Variants in RNF217 observed in about 807,000 individuals in gnomAD.
The protein encoded by RNF217 is ring finger protein 217, also known as E3 ubiquitin-protein ligase RNF217.
In RNF217, 31 loss-of-function variants were observed where a neutral mutation model predicts 57.8. The observed-to-expected ratio is 0.54, with a 90% CI of 0.40 to 0.72. The LOEUF (loss-of-function observed/expected upper bound fraction) is 0.72, where lower values mean the gene tolerates loss of function less well. Among genes scored for constraint, RNF217 ranks in the 30% least tolerant of loss-of-function variants. The pLI is 0.00. For synonymous variants in RNF217, 313 were observed against 294.0 expected, an observed-to-expected ratio of 1.06 and a Z score of -0.66; for missense variants, 696 against 708.3, an observed-to-expected ratio of 0.98 and a Z score of 0.20.
At chr6:124,988,333 A>G (rs926526136) in intron 1 of RNF217, among the ~76,000 whole-genome samples, 2 of 152,168 alleles carry the variant, frequency 1.3e-5, no homozygotes, top group African/African-American at 2.4e-5. Flanking sequence ...AAAAGTTTCA[A>G]CCTAAGCTCA....
At chr6:125,000,225 T>G (rs559482699) in intron 1 of RNF217, among the ~76,000 whole-genome samples, 12 of 152,280 alleles carry the variant, frequency 7.9e-5, no homozygotes, top group African/African-American at 2.2e-4. Flanking sequence ...AAATTGGTGT[T>G]TTAGTTTGTT....
At chr6:124,992,556 A>G (rs1394442482) in intron 1 of RNF217, among the ~76,000 whole-genome samples, 1 of 152,120 alleles carries the variant, frequency 6.6e-6, no homozygotes, top group African/African-American at 2.4e-5. Context: ...TGTATTATAT[A>G]ATAAAAGTTT....
chr6:124,983,137 G>A (rs1784238008), intron 1 of RNF217, among the ~76,000 whole-genome samples: 1 of 152,078 alleles, frequency 6.6e-6, no homozygotes, highest in African/African-American at 2.4e-5. Flanking sequence ...TTTATTTATT[G>A]TCTTCAGAAG....
At chr6:125,027,911 G>A (rs9388401) in intron 1 of RNF217, among the ~76,000 whole-genome samples, 30,916 of 152,068 alleles carry the variant, frequency 0.2, 3,815 homozygotes, top group East Asian at 0.42. Context: ...CAGTGATGTT[G>A]AGCATCTTTT....
At chr6:125,047,286 A>AT (rs1186479610) in intron 2 of RNF217, among the ~76,000 whole-genome samples, 8 of 152,096 alleles carry the variant, frequency 5.3e-5, no homozygotes, top group Non-Finnish European at 1.0e-4. Context: ...TTTTTATGAA[A>AT]TGGGTAAAGG....
At chr6:125,059,653 C>A (rs958806923) in intron 3 of RNF217, among the ~76,000 whole-genome samples, 1 of 152,126 alleles carries the variant, frequency 6.6e-6, no homozygotes, top group Non-Finnish European at 1.5e-5. Flanking sequence ...AAAATACATA[C>A]ATTTGTTACT....
intron 1 of RNF217, among the ~76,000 whole-genome samples, chr6:125,004,786 T>C (rs190599183): frequency 3.9e-5 from 6 of 152,346 alleles, no homozygotes; most frequent in Admixed American, 3.9e-4. Flanking sequence ...CTCACTACTT[T>C]ATATTAATAA....
intron 1 of RNF217, among the ~76,000 whole-genome samples, chr6:124,997,458 A>G (rs1438510965): frequency 1.0e-5 from 1 of 98,808 alleles, no homozygotes; most frequent in Non-Finnish European, 1.9e-5. Flanking sequence ...GGTTCACACA[A>G]CTCGAGTTAA....
chr6:125,049,305 G>T (rs1442212359), intron 2 of RNF217, among the ~76,000 whole-genome samples: 1 of 152,036 alleles, frequency 6.6e-6, no homozygotes, highest in Non-Finnish European at 1.5e-5. Context: ...TATATGTGTG[G>T]TTATTTGCCT....
At position 124,963,120 on chromosome 6, in the gene RNF217, G is replaced by C. The variant is rs745816391; in HGVS notation, c.576G>C (p.Pro192=). 8 of 1,535,958 alleles carry C rather than the reference G, an allele frequency of 5.2e-6. No homozygotes were observed. The highest frequency in any genetic ancestry group is 4.8e-5 in the South Asian group (4 of 83,986). ...CGCCCGCGTCGCCACCTGGGGCTCC[G>C]CCAGTGTTGAACCCTCCCAGCACCC... ...LSPPASPPGA[P]PVLNPPSTRS... Residue 192 remains proline, a synonymous_variant, in exon 1 of 6, where the codon CCG becomes CCC. Coordinates refer to ENST00000521654, the MANE Select transcript of RNF217 (RefSeq NM_001286398.3).
chr6:125,015,430 A>G (rs1482072366), intron 1 of RNF217, among the ~76,000 whole-genome samples: 1 of 152,148 alleles, frequency 6.6e-6, no homozygotes, highest in Non-Finnish European at 1.5e-5. Flanking sequence ...AATCACTACA[A>G]TATAGTAGAG....
intron 1 of RNF217, among the ~76,000 whole-genome samples, chr6:125,033,439 G>T (rs1170450891): frequency 6.1e-5 from 8 of 131,006 alleles, no homozygotes; most frequent in Admixed American, 1.5e-4. Flanking sequence ...GTGAGAACAT[G>T]CGGTGTTTGG....
At chr6:125,026,821 G>T (rs560770960) in intron 1 of RNF217, among the ~76,000 whole-genome samples, 30 of 151,850 alleles carry the variant, frequency 2.0e-4, no homozygotes, top group African/African-American at 6.8e-4. Flanking sequence ...TCCCTTACTG[G>T]ATGAAAAAAA....
chr6:124,971,893 C>T (rs1006604695), intron 1 of RNF217, among the ~76,000 whole-genome samples: 1 of 152,172 alleles, frequency 6.6e-6, no homozygotes, highest in Non-Finnish European at 1.5e-5. Context: ...AACCTCTTCT[C>T]TTCTCACTTT....
At position 125,035,218 on chromosome 6, in the gene RNF217, G is replaced by T. The variant is rs910598804; in HGVS notation, c.883-9993G>T. ...TTCTCCTGCCTAATTGCCCTGGCCA[G>T]AACTTCCAACACTATGTTGAATAGG... On this transcript the variant is annotated intron_variant, in intron 1 of 5. Transcript: ENST00000521654. 1.4e-4 allele frequency among the ~76,000 whole-genome samples: 21 copies of T among 152,108 alleles called. No homozygotes were observed. The East Asian group carries it at 3.5e-3, about 25-fold the overall frequency.
intron 1 of RNF217, among the ~76,000 whole-genome samples, chr6:125,040,520 G>A (rs1011714761): frequency 6.6e-6 from 1 of 152,130 alleles, no homozygotes; most frequent in Non-Finnish European, 1.5e-5. Context: ...GTACAGAGGA[G>A]CTAATATCAT....
chr6:124,973,070 G>A (rs115256854), intron 1 of RNF217, among the ~76,000 whole-genome samples: 230 of 152,192 alleles, frequency 1.5e-3, no homozygotes, highest in African/African-American at 5.3e-3. Context: ...AGCTAATATC[G>A]TCAATATGTA....
chr6:125,009,388 A>G, intron 1 of RNF217: 1 of 702,322 alleles, frequency 1.4e-6, no homozygotes, highest in Non-Finnish European at 2.5e-6. Context: ...AGAGCCTGGA[A>G]GAGTAGATTT....
At position 125,076,926 on chromosome 6, in the gene RNF217, G is replaced by A. The variant is rs1788398573; in HGVS notation, c.1483+68G>A. Reference sequence around the variant, plus strand: ...AGTAGTGAAAATAGAACTTGGAAATGTGCAGCCATGGTAATTCAGAGCACC... The same window carrying A: ...AGTAGTGAAAATAGAACTTGGAAATATGCAGCCATGGTAATTCAGAGCACC... On this transcript the variant is annotated intron_variant, in intron 4 of 5. Coordinates refer to ENST00000521654, the MANE Select transcript of RNF217 (RefSeq NM_001286398.3). The A allele has an allele frequency of 1.3e-5, 17 of 1,353,670 alleles. No homozygotes were observed. The Admixed American group carries it at 2.9e-4, about 23-fold the overall frequency. The allele number at this position is 1,353,670 out of a possible 1,614,324, so 83.9% of individuals were successfully genotyped here.
Sources: allele counts gnomAD v4.1 joint callset (sites outside exome capture counted in the v4.1 genomes callset), GRCh38; gene constraint gnomAD v4.1.1; transcripts MANE v1.5; gene names NCBI Gene and HGNC (gene_info 2026-07-23, HGNC 2026-07-21).